DNAH5: variants seen among roughly 807,000 people sequenced by gnomAD.
DNAH5 encodes the protein axonemal beta dynein heavy chain 5.
DNAH5 carries 372 observed loss-of-function variants against 518.2 expected under a neutral mutation model. The ratio of observed to expected loss-of-function variants is 0.72; its 90% CI spans 0.66 to 0.78. The LOEUF (loss-of-function observed/expected upper bound fraction) is 0.78. Ranked by LOEUF, DNAH5 falls within the 30% of genes least tolerant of loss-of-function variation. The pLI, the probability that DNAH5 is intolerant of heterozygous loss-of-function variation, is 0.00. For synonymous variants in DNAH5, 2,039 were observed against 2,025.9 expected, an observed-to-expected ratio of 1.01 and a Z score of -0.17; for missense variants, 5,523 against 5,687.0, an observed-to-expected ratio of 0.97 and a Z score of 0.93.
intron 1 of DNAH5, among the ~76,000 whole-genome samples, chr5:13,994,013 G>C (rs1207373656): frequency 6.6e-6 from 1 of 152,200 alleles, no homozygotes; most frequent in African/African-American, 2.4e-5. Flanking sequence ...CAATTTCCAG[G>C]TGAGCCTCAG....
chr5:13,808,931 GCC>G, intron 46 of DNAH5, 111 bp downstream of exon 46: 1 of 1,357,148 alleles, frequency 7.4e-7, no homozygotes, highest in Non-Finnish European at 1.0e-6. Context: ...CTGCACTCCA[GCC>G]TGGGCGACAG....
rs746501395 is a variant in DNAH5, at chr5:13,793,592, A to G, written c.8147T>C (p.Ile2716Thr). The change falls in exon 49 of 79, where the codon ATA becomes ACA. Residue 2716 changes from isoleucine (I) to threonine (T), a missense_variant. Transcript: ENST00000265104. Reference sequence around the variant, plus strand: ...GAACTGCCTCTTGAGTCTTTGGGGTATGTCATTGCGTCCACCACCAGGATG... The same window carrying G: ...GAACTGCCTCTTGAGTCTTTGGGGTGTGTCATTGCGTCCACCACCAGGATG... The part of the protein sequence containing the change: ...MIHPGGGRND[I>T]PQRLKRQFSI... The G allele has an allele frequency of 2.5e-6, 4 of 1,614,148 alleles. No individual in the cohort carries two copies. Among genetic ancestry groups the G allele is most frequent in the South Asian group, 2.2e-5 (2 of 91,080 alleles).
At chr5:13,709,181 G>T (rs576912709) in intron 75 of DNAH5, among the ~76,000 whole-genome samples, 241 of 152,268 alleles carry the variant, frequency 1.6e-3, no homozygotes, top group Non-Finnish European at 2.4e-3. Context: ...AAAATTGCCT[G>T]CTTAGTAGAA....
chr5:13,744,718 G>A (rs988665210), intron 65 of DNAH5, among the ~76,000 whole-genome samples: 1 of 152,064 alleles, frequency 6.6e-6, no homozygotes, highest in African/African-American at 2.4e-5. Flanking sequence ...ACTGTAAGTA[G>A]CTTAACAAAG....
intron 15 of DNAH5, among the ~76,000 whole-genome samples, chr5:13,895,444 C>T (rs1283352538): frequency 6.6e-6 from 1 of 152,192 alleles, no homozygotes; most frequent in Non-Finnish European, 1.5e-5. Context: ...GGAATGGCAC[C>T]TTCACCTGCT....
rs117647261 is a variant in DNAH5 at position 13,966,141 on chromosome 5, T to C, written c.13-34897A>G. On this transcript the variant is annotated intron_variant, in intron 1 of 78. Coordinates refer to the DNAH5 transcript ENST00000681290. ...ACATGAATAATGGTCTCTAATTCCA[T>C]CCAAGGTTGCTGCAAATGCCATTAT... Among the ~76,000 whole-genome samples, 106 of 152,352 alleles carry C rather than the reference T, an allele frequency of 7.0e-4. No individual in the cohort carries two copies. In the East Asian group the frequency reaches 0.014, roughly 20 times the overall value.
intron 56 of DNAH5, 64 bp downstream of exon 56, chr5:13,770,685 C>A (rs1009313593): frequency 1.0e-5 from 15 of 1,441,882 alleles, no homozygotes; most frequent in Non-Finnish European, 9.7e-6. Flanking sequence ...GCCACCAGGG[C>A]AAATCTGTCC....
Position 13,866,263 on chromosome 5 carries a change from C to A in DNAH5, c.4073G>T (p.Gly1358Val), listed in dbSNP as rs762677722. Residue 1358 changes from glycine to valine, a missense_variant, in exon 26 of 79, where the codon GGC becomes GTC. Gly to Val is a moderately radical substitution (Grantham distance 109). Coordinates refer to ENST00000265104, the MANE Select transcript of DNAH5 (RefSeq NM_001369.3). ...GTCACTGGCTTCCTGGGGCTTCAAG[C>A]CGCTAGCCATTGGACCATTCTGAAC... Reference protein sequence around the residue: ...DYDLNGPMASGLKPQEASDRL... With the variant: ...DYDLNGPMASVLKPQEASDRL... 3.1e-6 allele frequency: 5 copies of A among 1,613,404 alleles called. No homozygotes were observed. The South Asian group carries it at 5.5e-5, about 18-fold the overall frequency.
intron 47 of DNAH5, among the ~76,000 whole-genome samples, chr5:13,794,403 A>G (rs1757506636): frequency 6.6e-6 from 1 of 152,192 alleles, no homozygotes; most frequent in South Asian, 2.1e-4. Context: ...TAGTTTCCCT[A>G]TAACCAGCAA....
intron 55 of DNAH5, 65 bp from the exon 56 acceptor site, chr5:13,771,045 G>GT: frequency 7.5e-7 from 1 of 1,339,048 alleles, no homozygotes; most frequent in South Asian, 1.2e-5. Context: ...AAAGTTAACT[G>GT]TTTATTTCTA....
intron 18 of DNAH5, among the ~76,000 whole-genome samples, chr5:13,885,527 T>C (rs1772294620): frequency 1.3e-5 from 2 of 152,182 alleles, no homozygotes; most frequent in African/African-American, 4.8e-5. Flanking sequence ...ACCTGGGTTC[T>C]GGTGCTACCT....
At chr5:13,920,065 T>C (rs1777090553) in intron 6 of DNAH5, among the ~76,000 whole-genome samples, 1 of 152,228 alleles carries the variant, frequency 6.6e-6, no homozygotes, top group Non-Finnish European at 1.5e-5. Flanking sequence ...TGGATTTTAA[T>C]TGTGCTTACT....
chr5:13,778,922 A>C (rs1313225757), intron 53 of DNAH5, among the ~76,000 whole-genome samples: 2 of 152,188 alleles, frequency 1.3e-5, no homozygotes, highest in East Asian at 3.8e-4. Flanking sequence ...TGCCACAGTG[A>C]GAGTGGTGGT....
chr5:13,871,014 C>G lies in DNAH5; in HGVS notation c.3599-12G>C, dbSNP rs777704705. ...GAACTTCAAGTCAGCTGTAAAAACC[C>G]AAATGTCTACAGTTCAGTTTTAAAA... On this transcript the variant is annotated splice_polypyrimidine_tract_variant and intron_variant, in intron 23 of 78. Transcript: ENST00000265104. 6.3e-7 allele frequency: 1 copy of G among 1,598,730 alleles called. No homozygotes were observed. The highest frequency in any genetic ancestry group is 2.2e-5 in the East Asian group (1 of 44,786).
chr5:13,865,033 G>A (rs7716122), intron 27 of DNAH5, among the ~76,000 whole-genome samples: 59,712 of 142,472 alleles, frequency 0.42, 12,689 homozygotes, highest in South Asian at 0.47. Context: ...TTTTTGAGAC[G>A]GAGTATAGCT....
chr5:13,973,690 G>A lies in DNAH5; in HGVS notation c.12+37958C>T, dbSNP rs540524353. On this transcript the variant is annotated intron_variant, in intron 1 of 78. Transcript: ENST00000681290. ...ATATAGAGAGATATACATTGTGCAA[G>A]TTGTCAGAATCAAAATGGAGTCACT... Among the ~76,000 whole-genome samples the A allele has an allele frequency of 5.4e-5, 8 of 148,726 alleles. No individual in the cohort carries two copies. The South Asian group carries it at 1.7e-3, about 32-fold the overall frequency.
intron 61 of DNAH5, among the ~76,000 whole-genome samples, chr5:13,755,413 C>T (rs1012969445): frequency 6.6e-6 from 1 of 151,918 alleles, no homozygotes; most frequent in Non-Finnish European, 1.5e-5. Flanking sequence ...GTTAAAAATT[C>T]GATTTATAAA....
At chr5:13,846,961 T>C (rs1388694602) in intron 31 of DNAH5, among the ~76,000 whole-genome samples, 1 of 152,234 alleles carries the variant, frequency 6.6e-6, no homozygotes, top group East Asian at 1.9e-4. Context: ...TTTGAATAAC[T>C]GTGATGTGTT....
chr5:13,849,333 G>A (rs1766492355), intron 31 of DNAH5, among the ~76,000 whole-genome samples: 1 of 152,216 alleles, frequency 6.6e-6, no homozygotes, highest in African/African-American at 2.4e-5. Flanking sequence ...TGAAATGTAT[G>A]CGGTGATTCC....
Sources: gnomAD v4.1 joint callset for allele counts (sites outside exome capture counted in the v4.1 genomes callset) on GRCh38, gnomAD v4.1.1 for gene constraint, MANE v1.5 for transcripts, NCBI Gene and HGNC (gene_info 2026-07-23, HGNC 2026-07-21) for gene names.